The following CDKAL1 variants were observed in gnomAD, a reference collection of about 807,000 sequenced individuals.
CDKAL1 encodes the protein CDKAL1 threonylcarbamoyladenosine tRNA methylthiotransferase.
CDKAL1 carries 32 observed loss-of-function variants against 68.2 expected under a neutral mutation model. That is an observed-to-expected ratio of 0.47 (90% CI 0.35 to 0.63). CDKAL1 has a LOEUF of 0.63. CDKAL1 is among the 30% of genes least tolerant of loss of function. The probability of loss-of-function intolerance (pLI) is 0.00; values close to 1 mark genes in which losing one functional copy is unlikely to be tolerated. For synonymous variants in CDKAL1, 234 were observed against 244.3 expected (o/e 0.96, Z 0.39); for missense variants, 606 against 696.7 (o/e 0.87, Z 1.47).
chr6:21,082,424 TAACTC>T (rs752940623), intron 12 of CDKAL1, among the ~76,000 whole-genome samples: 2 of 152,234 alleles, frequency 1.3e-5, no homozygotes, highest in African/African-American at 2.4e-5. Context: ...ATGAGTTAGT[TAACTC>T]AGCTCAGAGA....
intron 10 of CDKAL1, among the ~76,000 whole-genome samples, chr6:20,973,711 C>G (rs1243965029): frequency 6.6e-6 from 1 of 151,984 alleles, no homozygotes; most frequent in Non-Finnish European, 1.5e-5. Flanking sequence ...TTCAAGTGAT[C>G]CTCCCACCTC....
chr6:20,702,497 G>A (rs1197385483), intron 5 of CDKAL1, among the ~76,000 whole-genome samples: 1 of 152,166 alleles, frequency 6.6e-6, no homozygotes, highest in South Asian at 2.1e-4. Flanking sequence ...GTAGCTTTCA[G>A]CAGATGGGGG....
chr6:21,200,100 A>G lies in CDKAL1; in HGVS notation c.1384-1010A>G, dbSNP rs368804786. On this transcript the variant is annotated intron_variant, in intron 14 of 15. Transcript: ENST00000274695. Reference sequence around the variant, plus strand: ...AGTATTACTGGATTAGAACTGGTCTATTTATTTTGGATTCTAACTTGAAAA... The same window carrying G: ...AGTATTACTGGATTAGAACTGGTCTGTTTATTTTGGATTCTAACTTGAAAA... Among the ~76,000 whole-genome samples, 63 of 152,350 alleles carry G rather than the reference A, an allele frequency of 4.1e-4. No homozygotes were observed. In the South Asian group the frequency reaches 0.012, roughly 29 times the overall value.
chr6:20,618,298 A>G (rs1370527452), intron 4 of CDKAL1, among the ~76,000 whole-genome samples: 3 of 152,070 alleles, frequency 2.0e-5, no homozygotes, highest in African/African-American at 7.2e-5. Flanking sequence ...AATTCTTTGT[A>G]TATTCTGGAT....
chr6:21,010,448 C>A (rs978031555), intron 11 of CDKAL1, among the ~76,000 whole-genome samples: 4 of 152,154 alleles, frequency 2.6e-5, no homozygotes, highest in Admixed American at 2.0e-4. Context: ...CCCATAAGCA[C>A]CCTGTATTCC....
chr6:21,084,360 T>C (rs191700784), intron 12 of CDKAL1, among the ~76,000 whole-genome samples: 232 of 152,358 alleles, frequency 1.5e-3, no homozygotes, highest in African/African-American at 5.4e-3. Context: ...TTGAAGTGCC[T>C]GTTTATTTAC....
intron 10 of CDKAL1, among the ~76,000 whole-genome samples, chr6:20,996,523 G>A (rs1009296120): frequency 2.6e-5 from 4 of 152,238 alleles, no homozygotes; most frequent in Admixed American, 2.6e-4. Flanking sequence ...GGCCCAAGAT[G>A]GGAAGAGCCA....
chr6:20,543,952 G>A (rs1015828668), intron 2 of CDKAL1, among the ~76,000 whole-genome samples: 12 of 151,756 alleles, frequency 7.9e-5, no homozygotes, highest in African/African-American at 2.9e-4. Context: ...TGGCCAGGCT[G>A]TTCTTGAACT....
chr6:20,645,268 TTTTC>T (rs1233951297), intron 4 of CDKAL1, among the ~76,000 whole-genome samples: 2 of 152,158 alleles, frequency 1.3e-5, no homozygotes, highest in East Asian at 3.8e-4. Context: ...TACAAAATAT[TTTTC>T]TTTCATAATA....
At chr6:20,631,037 A>G (rs1313513445) in intron 4 of CDKAL1, among the ~76,000 whole-genome samples, 6 of 152,202 alleles carry the variant, frequency 3.9e-5, no homozygotes, top group Admixed American at 2.0e-4. Flanking sequence ...TTTGTAGGCA[A>G]ATTCCCTCTG....
At chr6:20,734,010 G>A (rs1773072587) in intron 5 of CDKAL1, among the ~76,000 whole-genome samples, 2 of 152,034 alleles carry the variant, frequency 1.3e-5, no homozygotes, top group South Asian at 2.1e-4. Flanking sequence ...TTTGCCAGGT[G>A]TGGTGGTGCA....
intron 8 of CDKAL1, among the ~76,000 whole-genome samples, chr6:20,827,606 AT>A (rs1207616975): frequency 1.3e-5 from 2 of 152,158 alleles, no homozygotes; most frequent in Non-Finnish European, 2.9e-5. Context: ...TGTTTTAGAC[AT>A]AAAAAAAAAG....
chr6:20,591,290 C>T (rs928384019), intron 4 of CDKAL1, among the ~76,000 whole-genome samples: 19 of 151,980 alleles, frequency 1.3e-4, no homozygotes, highest in African/African-American at 4.4e-4. Flanking sequence ...AAATTTTCTC[C>T]CATTCTGTAG....
chr6:20,876,676 GCTT>G (rs1401493899), intron 9 of CDKAL1, among the ~76,000 whole-genome samples: 1 of 152,240 alleles, frequency 6.6e-6, no homozygotes, highest in East Asian at 1.9e-4. Context: ...AAATTCTGTT[GCTT>G]CTTAGCCACT....
chr6:20,749,724 T>C (rs1481465610), intron 6 of CDKAL1, among the ~76,000 whole-genome samples: 1 of 151,780 alleles, frequency 6.6e-6, no homozygotes, highest in African/African-American at 2.4e-5. Flanking sequence ...TTTTTTTGTA[T>C]TTTTAGTAGA....
intron 8 of CDKAL1, among the ~76,000 whole-genome samples, chr6:20,835,592 G>T (rs1484312015): frequency 6.6e-6 from 1 of 152,102 alleles, no homozygotes; most frequent in African/African-American, 2.4e-5. Flanking sequence ...TTGTCAGCCA[G>T]GCTAGAGTGC....
At chr6:20,793,605 A>G (rs1775990247) in intron 8 of CDKAL1, among the ~76,000 whole-genome samples, 1 of 152,054 alleles carries the variant, frequency 6.6e-6, no homozygotes, top group African/African-American at 2.4e-5. Context: ...AATTTATCAA[A>G]TAATTAATTT....
intron 4 of CDKAL1, among the ~76,000 whole-genome samples, chr6:20,616,805 C>G (rs1031815768): frequency 6.7e-6 from 1 of 149,552 alleles, no homozygotes; most frequent in African/African-American, 2.5e-5. Context: ...GAGTTCGAGA[C>G]CAGCCTGGAC....
intron 8 of CDKAL1, among the ~76,000 whole-genome samples, chr6:20,844,002 C>G (rs1381136685): frequency 6.6e-6 from 1 of 152,120 alleles, no homozygotes; most frequent in Non-Finnish European, 1.5e-5. Flanking sequence ...AGAGAGAACC[C>G]TGGTCTTCCA....
Sources: gnomAD v4.1 joint callset for allele counts (sites outside exome capture counted in the v4.1 genomes callset) on GRCh38, gnomAD v4.1.1 for gene constraint, MANE v1.5 for transcripts, NCBI Gene and HGNC (gene_info 2026-07-23, HGNC 2026-07-21) for gene names.